ATP10B: variants seen among roughly 807,000 people sequenced by gnomAD.
ATP10B encodes the protein ATPase phospholipid transporting 10B (putative), also known as phospholipid-transporting ATPase VB.
ATP10B carries 122 observed loss-of-function variants against 141.2 expected under a neutral mutation model. The observed-to-expected ratio is 0.86, with a 90% CI of 0.75 to 1.00. The LOEUF (loss-of-function observed/expected upper bound fraction) is 1.00. Among genes scored for constraint, ATP10B ranks in the 50% least tolerant of loss-of-function variants. ATP10B has a pLI of 0.00. For missense variants in ATP10B, 1,876 were observed against 1,825.3 expected, an observed-to-expected ratio of 1.03 and a Z score of -0.51; for synonymous variants, 685 against 692.0, an observed-to-expected ratio of 0.99 and a Z score of 0.16.
the ATP10B span, among the ~76,000 whole-genome samples, chr5:160,892,376 T>TC: frequency 6.6e-6 from 1 of 152,350 alleles, no homozygotes; most frequent in East Asian, 1.9e-4. Context: ...TTGAACTATG[T>TC]CCCCCAAACG....
intron 2 of ATP10B, among the ~76,000 whole-genome samples, chr5:160,769,558 T>C (rs570620587): frequency 6.6e-6 from 1 of 152,074 alleles, no homozygotes; most frequent in South Asian, 2.1e-4. Context: ...AAATATAGAA[T>C]GAAAGTGCTC....
intron 10 of ATP10B, among the ~76,000 whole-genome samples, chr5:160,636,580 G>T (rs1175161315): frequency 1.3e-5 from 2 of 152,152 alleles, no homozygotes; most frequent in Non-Finnish European, 1.5e-5. Context: ...CTTCTGTTTT[G>T]ATTAAGTCTT....
intron 24 of ATP10B, among the ~76,000 whole-genome samples, chr5:160,588,172 C>T (rs1172818325): frequency 6.6e-6 from 1 of 152,134 alleles, no homozygotes; most frequent in Non-Finnish European, 1.5e-5. Flanking sequence ...TCTAAATATA[C>T]AATCATGTCA....
the ATP10B span, among the ~76,000 whole-genome samples, chr5:160,880,074 A>G: frequency 6.6e-6 from 1 of 150,580 alleles, no homozygotes; most frequent in Non-Finnish European, 1.5e-5. Flanking sequence ...TATAAATCAC[A>G]TAGAATATAT....
intron 7 of ATP10B, among the ~76,000 whole-genome samples, chr5:160,658,114 T>C (rs1761635025): frequency 6.6e-6 from 1 of 152,232 alleles, no homozygotes; most frequent in Non-Finnish European, 1.5e-5. Flanking sequence ...ATGAGAGATA[T>C]GATCACAATG....
the ATP10B span, among the ~76,000 whole-genome samples, chr5:160,882,639 C>A: frequency 2.6e-5 from 4 of 151,920 alleles, no homozygotes; most frequent in Admixed American, 1.3e-4. Flanking sequence ...CTCCTGAAAA[C>A]AAGAAGTCTT....
intron 22 of ATP10B, among the ~76,000 whole-genome samples, chr5:160,595,443 A>C (rs1484558785): frequency 1.3e-5 from 2 of 152,278 alleles, no homozygotes; most frequent in Non-Finnish European, 2.9e-5. Flanking sequence ...AAAGCAGGAA[A>C]GATCTAAAAT....
chr5:160,649,399 G>A, intron 7 of ATP10B, 143 bp from the exon 8 acceptor site: 2 of 618,860 alleles, frequency 3.2e-6, no homozygotes, highest in African/African-American at 1.9e-5. Context: ...TAATGTGTCA[G>A]AAAAAAAAGT....
Position 160,615,942 on chromosome 5 carries a change from C to G in ATP10B, c.2549G>C (p.Arg850Pro). 2.5e-6 allele frequency: 4 copies of G among 1,613,794 alleles called. No individual in the cohort carries two copies. The highest frequency in any genetic ancestry group is 3.4e-6 in the Non-Finnish European group (4 of 1,179,794). Residue 850 changes from arginine (R) to proline (P), a missense_variant, in exon 17 of 26, where the codon CGG becomes CCG. Coordinates refer to ENST00000327245, the MANE Select transcript of ATP10B (RefSeq NM_025153.3). ...AKKVVSEEDFRRWASFRREAE... is the reference protein window; with the variant it reads ...AKKVVSEEDFPRWASFRREAE... ...CTCACGCCGGAAACTGGCCCATCTC[C>G]GGAAGTCCTCTTCGCTTACAACCTA...
chr5:160,643,311 C>A (rs571594320), intron 9 of ATP10B, among the ~76,000 whole-genome samples: 1 of 152,292 alleles, frequency 6.6e-6, no homozygotes, highest in East Asian at 1.9e-4. Flanking sequence ...GCAAACTATT[C>A]CAAAGTGTCC....
intron 2 of ATP10B, among the ~76,000 whole-genome samples, chr5:160,756,830 G>A (rs1032461692): frequency 6.6e-6 from 1 of 151,942 alleles, no homozygotes; most frequent in African/African-American, 2.4e-5. Flanking sequence ...TAAGTTATAA[G>A]AGTTCTTTAC....
At chr5:160,888,455 C>G in the ATP10B span, among the ~76,000 whole-genome samples, 2 of 152,198 alleles carry the variant, frequency 1.3e-5, no homozygotes, top group African/African-American at 4.8e-5. Flanking sequence ...TAGGCGGCTT[C>G]TCTAAATGTT....
chr5:160,841,452 G>A (rs1240546743), intron 1 of ATP10B, among the ~76,000 whole-genome samples: 1 of 152,168 alleles, frequency 6.6e-6, no homozygotes, highest in Non-Finnish European at 1.5e-5. Flanking sequence ...GTAGGGGAAT[G>A]AAGCAGAAGA....
chr5:160,820,354 T>C (rs769984797), intron 1 of ATP10B, among the ~76,000 whole-genome samples: 2 of 151,920 alleles, frequency 1.3e-5, no homozygotes, highest in African/African-American at 4.8e-5. Context: ...AACGGACTAG[T>C]AACAAGTAAC....
chr5:160,922,946 C>A, the ATP10B span, among the ~76,000 whole-genome samples: 5 of 152,286 alleles, frequency 3.3e-5, no homozygotes, highest in East Asian at 7.7e-4. Flanking sequence ...TTCTGCCCTG[C>A]AGAGGAAGGA....
intron 11 of ATP10B, among the ~76,000 whole-genome samples, chr5:160,635,723 G>A (rs1759315848): frequency 1.3e-5 from 2 of 151,924 alleles, no homozygotes; most frequent in African/African-American, 4.8e-5. Flanking sequence ...TTTTTCTTCT[G>A]TCCTATATTG....
chr5:160,780,787 AC>A (rs1561845944), intron 2 of ATP10B, among the ~76,000 whole-genome samples: 1 of 152,228 alleles, frequency 6.6e-6, no homozygotes, highest in Non-Finnish European at 1.5e-5. Context: ...TACAGATTTT[AC>A]TGCACTACAT....
chr5:160,632,458 G>A (rs918420211), intron 12 of ATP10B, 91 bp from the exon 13 acceptor site: 4 of 1,206,884 alleles, frequency 3.3e-6, no homozygotes, highest in Admixed American at 1.8e-5. Flanking sequence ...GGTGGTAAGA[G>A]CATGGGAAGG....
chr5:160,752,886 G>A (rs924952271), intron 2 of ATP10B, among the ~76,000 whole-genome samples: 3 of 152,186 alleles, frequency 2.0e-5, no homozygotes, highest in African/African-American at 7.2e-5. Flanking sequence ...CATGGGGTGT[G>A]TGGGGTTTGG....
Sources: allele counts gnomAD v4.1 joint callset (sites outside exome capture counted in the v4.1 genomes callset), GRCh38; gene constraint gnomAD v4.1.1; transcripts MANE v1.5; gene names NCBI Gene and HGNC (gene_info 2026-07-23, HGNC 2026-07-21).